The following LRMDA variants were observed in gnomAD, a reference collection of about 807,000 sequenced individuals.
The protein encoded by LRMDA is leucine-rich melanocyte differentiation-associated protein.
In LRMDA, 18 loss-of-function variants were observed where a neutral mutation model predicts 29.8. The ratio of observed to expected loss-of-function variants is 0.60; its 90% CI spans 0.42 to 0.90. The LOEUF (loss-of-function observed/expected upper bound fraction) is 0.90, where lower values mean the gene tolerates loss of function less well. LRMDA is among the 40% of genes least tolerant of loss of function. The probability of loss-of-function intolerance (pLI) is 0.00; values close to 1 mark genes in which losing one functional copy is unlikely to be tolerated. For missense variants in LRMDA, 273 were observed against 273.9 expected, an observed-to-expected ratio of 1.00 and a Z score of 0.02; for synonymous variants, 125 against 109.4, an observed-to-expected ratio of 1.14 and a Z score of -0.89.
intron 2 of LRMDA, among the ~76,000 whole-genome samples, chr10:75,827,099 A>G (rs2204752): frequency 6.6e-6 from 1 of 152,134 alleles, no homozygotes; most frequent in Non-Finnish European, 1.5e-5. Context: ...ATTACTTTTC[A>G]TGGAAAATAC....
intron 6 of LRMDA, among the ~76,000 whole-genome samples, chr10:76,370,209 G>A (rs1217295885): frequency 1.3e-5 from 2 of 151,890 alleles, no homozygotes. Flanking sequence ...TGTAATCAAA[G>A]AGACCCTCCC....
At chr10:76,474,156 C>T (rs111637417) in intron 6 of LRMDA, among the ~76,000 whole-genome samples, 2,754 of 151,696 alleles carry the variant, frequency 0.018, 34 homozygotes, top group Non-Finnish European at 0.027. Flanking sequence ...ACTGGATAGT[C>T]ACTTGCAATA....
intron 2 of LRMDA, among the ~76,000 whole-genome samples, chr10:75,993,210 A>G (rs1847401781): frequency 6.6e-6 from 1 of 152,070 alleles, no homozygotes; most frequent in Non-Finnish European, 1.5e-5. Flanking sequence ...TCTTTGATCC[A>G]AAGCTACTTT....
chr10:76,135,259 T>G (rs1299763792), intron 5 of LRMDA, among the ~76,000 whole-genome samples: 1 of 152,228 alleles, frequency 6.6e-6, no homozygotes, highest in Non-Finnish European at 1.5e-5. Flanking sequence ...GTCTCTGTTC[T>G]GAATGAAAGA....
intron 2 of LRMDA, among the ~76,000 whole-genome samples, chr10:75,493,506 C>A (rs1355069285): frequency 6.6e-6 from 1 of 152,044 alleles, no homozygotes; most frequent in Non-Finnish European, 1.5e-5. Flanking sequence ...GGATGGGCCA[C>A]CACGCTCTGA....
intron 5 of LRMDA, among the ~76,000 whole-genome samples, chr10:76,067,400 C>T (rs1176075129): frequency 6.6e-6 from 1 of 151,984 alleles, no homozygotes; most frequent in Non-Finnish European, 1.5e-5. Context: ...TTTGTTTGTG[C>T]AATGTAGATT....
At chr10:75,510,797 A>G (rs1407494850) in intron 2 of LRMDA, among the ~76,000 whole-genome samples, 1 of 152,136 alleles carries the variant, frequency 6.6e-6, no homozygotes, top group Non-Finnish European at 1.5e-5. Flanking sequence ...GGAGATGAGC[A>G]AGCCCAGGGA....
At chr10:75,704,748 G>A (rs1842347193) in intron 2 of LRMDA, among the ~76,000 whole-genome samples, 1 of 152,200 alleles carries the variant, frequency 6.6e-6, no homozygotes, top group African/African-American at 2.4e-5. Context: ...CCAGTAGCCC[G>A]AGCCAGGTGG....
intron 5 of LRMDA, among the ~76,000 whole-genome samples, chr10:76,253,518 G>T (rs1480618630): frequency 1.3e-5 from 2 of 148,974 alleles, no homozygotes; most frequent in Non-Finnish European, 3.0e-5. Flanking sequence ...GAGAAGAGAG[G>T]GGGAGAGAGA....
chr10:76,055,959 C>T (rs1848608601), intron 4 of LRMDA, among the ~76,000 whole-genome samples: 1 of 152,232 alleles, frequency 6.6e-6, no homozygotes, highest in Non-Finnish European at 1.5e-5. Context: ...GGACATGTTT[C>T]AGCCCTGTTT....
At chr10:76,178,515 G>A (rs1459077405) in intron 5 of LRMDA, among the ~76,000 whole-genome samples, 1 of 152,186 alleles carries the variant, frequency 6.6e-6, no homozygotes. Flanking sequence ...AAGAAGGAAA[G>A]GAGAGCAGTC....
intron 2 of LRMDA, among the ~76,000 whole-genome samples, chr10:75,733,366 G>A (rs750709851): frequency 1.3e-5 from 2 of 152,224 alleles, no homozygotes; most frequent in Non-Finnish European, 2.9e-5. Context: ...TGTGGTTTGA[G>A]TGAGAATAGG....
chr10:76,545,878 C>T (rs985898828), intron 6 of LRMDA, among the ~76,000 whole-genome samples: 1 of 152,024 alleles, frequency 6.6e-6, no homozygotes, highest in Non-Finnish European at 1.5e-5. Flanking sequence ...GTAGGTTGTC[C>T]TAAAACAGTG....
At chr10:76,492,199 G>T (rs962303823) in intron 6 of LRMDA, among the ~76,000 whole-genome samples, 1 of 152,008 alleles carries the variant, frequency 6.6e-6, no homozygotes, top group African/African-American at 2.4e-5. Flanking sequence ...GTCCCTGGTG[G>T]TTTTTTAAGT....
intron 2 of LRMDA, among the ~76,000 whole-genome samples, chr10:75,875,468 T>C (rs1426558279): frequency 6.6e-6 from 1 of 152,158 alleles, no homozygotes; most frequent in Non-Finnish European, 1.5e-5. Flanking sequence ...AGATTCACTC[T>C]TGTTGCCCAG....
intron 5 of LRMDA, among the ~76,000 whole-genome samples, chr10:76,099,579 C>T (rs1015651818): frequency 1.3e-5 from 2 of 148,356 alleles, no homozygotes; most frequent in African/African-American, 2.5e-5. Context: ...TAGCTGCATC[C>T]CATGTATTTT....
intron 2 of LRMDA, among the ~76,000 whole-genome samples, chr10:75,907,108 AG>A (rs1845771967): frequency 6.6e-6 from 1 of 152,202 alleles, no homozygotes; most frequent in Admixed American, 6.5e-5. Flanking sequence ...TGTTGTGAAA[AG>A]AGTCATAGGA....
chr10:76,401,156 A>G (rs1213239206), intron 6 of LRMDA, among the ~76,000 whole-genome samples: 4 of 152,154 alleles, frequency 2.6e-5, no homozygotes, highest in African/African-American at 7.2e-5. Context: ...TGAGCTTCCA[A>G]TATAATGACT....
chr10:75,536,371 T>C (rs1368676378), intron 2 of LRMDA, among the ~76,000 whole-genome samples: 1 of 152,170 alleles, frequency 6.6e-6, no homozygotes, highest in Non-Finnish European at 1.5e-5. Flanking sequence ...TAGGATGCTC[T>C]CTCTGTCCTC....
Sources: allele counts gnomAD v4.1 joint callset (sites outside exome capture counted in the v4.1 genomes callset), GRCh38; gene constraint gnomAD v4.1.1; transcripts MANE v1.5; gene names NCBI Gene and HGNC (gene_info 2026-07-23, HGNC 2026-07-21).